The following ZNF804B variants were observed in gnomAD, a reference collection of about 807,000 sequenced individuals.
ZNF804B encodes zinc finger protein 804B.
In ZNF804B, 80 loss-of-function variants were observed where a neutral mutation model predicts 101.4. That is an observed-to-expected ratio of 0.79 (90% CI 0.66 to 0.95). The LOEUF is 0.95. Among genes scored for constraint, ZNF804B ranks in the 40% least tolerant of loss-of-function variants. ZNF804B has a pLI of 0.00. For missense variants in ZNF804B, 1,673 were observed against 1,561.9 expected, an observed-to-expected ratio of 1.07 and a Z score of -1.20; for synonymous variants, 622 against 558.8, an observed-to-expected ratio of 1.11 and a Z score of -1.59.
intron 1 of ZNF804B, among the ~76,000 whole-genome samples, chr7:88,943,584 A>C (rs1381310630): frequency 1.3e-5 from 2 of 151,862 alleles, no homozygotes; most frequent in Non-Finnish European, 1.5e-5. Context: ...TTTCTTGCTT[A>C]GTTTAGTTTA....
At chr7:89,238,892 G>T (rs1191536367) in intron 2 of ZNF804B, among the ~76,000 whole-genome samples, 2 of 152,096 alleles carry the variant, frequency 1.3e-5, no homozygotes, top group Non-Finnish European at 2.9e-5. Flanking sequence ...CCAGACTATT[G>T]CAGGAGGATC....
Position 89,120,657 on chromosome 7 carries a change from C to CA in ZNF804B, c.109-97481dup, listed in dbSNP as rs10636811. Among the ~76,000 whole-genome samples the CA allele has an allele frequency of 1.5e-3, 154 of 103,290 alleles. 3 individuals carry two copies. Among genetic ancestry groups the CA allele is most frequent in the Non-Finnish European group, 1.9e-3 (104 of 54,324 alleles). 67.8% of individuals were successfully genotyped at this position (103,290 alleles called of 152,430 possible). A position where few individuals can be genotyped will look rare whatever the true frequency, so the allele number is the denominator to read the frequency against. On this transcript the variant is annotated intron_variant, in intron 1 of 3. Transcript: ENST00000333190. ...TGGGCGACAGAGCGAGACTCCGCCTCAAAAAAAAAAAAAAAAATTAAAAAT... is the reference window on the plus strand; with the variant it reads ...TGGGCGACAGAGCGAGACTCCGCCTCAAAAAAAAAAAAAAAAAATTAAAAAT...
At chr7:89,051,404 G>A (rs1037955384) in intron 1 of ZNF804B, among the ~76,000 whole-genome samples, 1 of 152,010 alleles carries the variant, frequency 6.6e-6, no homozygotes, top group South Asian at 2.1e-4. Flanking sequence ...CCATTAATAC[G>A]GAATTATTAA....
chr7:88,767,417 T>A (rs1790001459), intron 1 of ZNF804B, among the ~76,000 whole-genome samples: 2 of 152,242 alleles, frequency 1.3e-5, no homozygotes, highest in African/African-American at 4.8e-5. Context: ...CACTCACATA[T>A]GTCCCTTCCA....
intron 1 of ZNF804B, among the ~76,000 whole-genome samples, chr7:89,133,114 A>C (rs1269809478): frequency 1.3e-5 from 2 of 152,026 alleles, no homozygotes. Context: ...GGTTTGAAGC[A>C]GAAAAGAGTT....
chr7:88,995,736 T>C lies in ZNF804B; in HGVS notation c.109-222419T>C, dbSNP rs142082985. On this transcript the variant is annotated intron_variant, in intron 1 of 3. Transcript: ENST00000333190. ...AGAGTAACTTCACAGTAGAGAAACC[T>C]GAAAAACACCACCCGATCAAAGTGA... Among the ~76,000 whole-genome samples the C allele has an allele frequency of 3.6e-4, 55 of 152,136 alleles. 1 individual carries two copies. The highest frequency in any genetic ancestry group is 1.3e-3 in the African/African-American group (53 of 41,544).
rs183404250 is a variant in ZNF804B, at chr7:88,959,780, T to C, written c.108+199696T>C. Among the ~76,000 whole-genome samples the C allele has an allele frequency of 8.6e-5, 13 of 151,562 alleles. No homozygotes were observed. In the East Asian group the frequency reaches 2.6e-3, roughly 30 times the overall value. ...GAGGGATGGAAGTGGTTTATAGCAC[T>C]GTACACTGTGGGCAGCAGCTTAAAA... On this transcript the variant is annotated intron_variant, in intron 1 of 3. Coordinates refer to ENST00000333190, the MANE Select transcript of ZNF804B (RefSeq NM_181646.5).
intron 1 of ZNF804B, among the ~76,000 whole-genome samples, chr7:89,097,102 A>G (rs942214831): frequency 3.0e-4 from 46 of 152,192 alleles, no homozygotes; most frequent in Admixed American, 2.4e-3. Context: ...TGAATCCCCA[A>G]CGAAAATTAA....
At chr7:89,326,990 C>A (rs1790905945) in intron 2 of ZNF804B, among the ~76,000 whole-genome samples, 1 of 145,882 alleles carries the variant, frequency 6.9e-6, no homozygotes, top group Non-Finnish European at 1.5e-5. Flanking sequence ...GAAGAACATG[C>A]ATCTCATAAC....
At chr7:89,086,044 A>G (rs549971041) in intron 1 of ZNF804B, among the ~76,000 whole-genome samples, 28 of 152,038 alleles carry the variant, frequency 1.8e-4, no homozygotes, top group African/African-American at 6.0e-4. Context: ...TTAATCTTCC[A>G]TGACTTAATC....
intron 1 of ZNF804B, among the ~76,000 whole-genome samples, chr7:88,877,018 A>AT (rs1475100573): frequency 1.3e-5 from 1 of 78,614 alleles, no homozygotes; most frequent in East Asian, 4.0e-4. Flanking sequence ...ATATATATAT[A>AT]TATATATAAT....
chr7:89,329,169 A>C (rs1162829121), intron 3 of ZNF804B, among the ~76,000 whole-genome samples: 1 of 151,762 alleles, frequency 6.6e-6, no homozygotes, highest in East Asian at 1.9e-4. Flanking sequence ...GATTTGATAA[A>C]ATAGGCAAAC....
At chr7:89,320,798 A>G (rs1474761144) in intron 2 of ZNF804B, among the ~76,000 whole-genome samples, 1 of 152,160 alleles carries the variant, frequency 6.6e-6, no homozygotes, top group Non-Finnish European at 1.5e-5. Context: ...TACATACAAG[A>G]AAGCAATAAT....
intron 1 of ZNF804B, among the ~76,000 whole-genome samples, chr7:89,151,712 T>A (rs574587650): frequency 7.7e-4 from 113 of 146,874 alleles, no homozygotes; most frequent in East Asian, 2.8e-3. Context: ...AAAAAAAAAA[T>A]AATTTTCCTG....
intron 1 of ZNF804B, among the ~76,000 whole-genome samples, chr7:89,048,612 C>T (rs1789150487): frequency 6.6e-6 from 1 of 151,676 alleles, no homozygotes; most frequent in South Asian, 2.1e-4. Context: ...AATTCAGTTA[C>T]CTTAATTAGG....
At chr7:89,164,656 T>A (rs62461936) in intron 1 of ZNF804B, among the ~76,000 whole-genome samples, 30,622 of 152,080 alleles carry the variant, frequency 0.2, 3,304 homozygotes, top group Non-Finnish European at 0.22. Context: ...TATGTTCCCA[T>A]GTGTTTACTC....
chr7:89,271,998 T>G (rs1290168044), intron 2 of ZNF804B, among the ~76,000 whole-genome samples: 1 of 152,108 alleles, frequency 6.6e-6, no homozygotes, highest in East Asian at 1.9e-4. Flanking sequence ...AAACCTTCAT[T>G]GTGTCTTTTT....
chr7:88,904,843 C>A (rs1269316660), intron 1 of ZNF804B, among the ~76,000 whole-genome samples: 2 of 152,056 alleles, frequency 1.3e-5, no homozygotes, highest in Non-Finnish European at 2.9e-5. Flanking sequence ...TTCTAGGAGT[C>A]TTTTGCGAGT....
At chr7:89,045,838 G>A (rs139678951) in intron 1 of ZNF804B, among the ~76,000 whole-genome samples, 185 of 152,242 alleles carry the variant, frequency 1.2e-3, no homozygotes, top group African/African-American at 4.3e-3. Flanking sequence ...GGACTTTTGG[G>A]TTAATGCTGG....
Sources: allele counts gnomAD v4.1 joint callset (sites outside exome capture counted in the v4.1 genomes callset), GRCh38; gene constraint gnomAD v4.1.1; transcripts MANE v1.5; gene names NCBI Gene and HGNC (gene_info 2026-07-23, HGNC 2026-07-21).